Variants in TP53INP1 observed in about 807,000 individuals in gnomAD.
The protein encoded by TP53INP1 is tumor protein p53 inducible nuclear protein 1, also known as tumor protein p53-inducible nuclear protein 1.
Under a neutral mutation model 21.0 loss-of-function variants are expected in TP53INP1, and 12 were observed. The observed-to-expected ratio is 0.57, with a 90% CI of 0.37 to 0.93. The LOEUF (loss-of-function observed/expected upper bound fraction) is 0.93. Among genes scored for constraint, TP53INP1 ranks in the 40% least tolerant of loss-of-function variants. The pLI, the probability that TP53INP1 is intolerant of heterozygous loss-of-function variation, is 0.01. For synonymous variants in TP53INP1, 91 were observed against 94.8 expected (o/e 0.96, Z 0.23); for missense variants, 274 against 294.7 (o/e 0.93, Z 0.51).
At position 94,927,219 on chromosome 8, in the gene TP53INP1, A is replaced by G. The variant is rs2131294901; in HGVS notation, c.*3260T>C. ...CAACTCAGAGAAAATGAGAATAATG[A>G]AGATACTCTTCCTTGCTCGTTTTTC... is the stretch of plus-strand genomic sequence containing the variant. On this transcript the variant is annotated 3_prime_UTR_variant, in exon 4 of 4. Transcript: ENST00000342697. 6.5e-6 allele frequency: 1 copy of G among 152,730 alleles called. No homozygotes were observed. Among genetic ancestry groups the G allele is most frequent in the Middle Eastern group, 3.4e-3 (1 of 294 alleles). 9.5% of individuals were successfully genotyped at this position (152,730 alleles called of 1,614,324 possible).
chr8:94,932,055 A>G (rs376328320), intron 3 of TP53INP1: 6 of 1,607,472 alleles, frequency 3.7e-6, no homozygotes, highest in Non-Finnish European at 5.1e-6. Context: ...ACAGTCTCAA[A>G]GTGAATATAC....
intron 1 of TP53INP1, chr8:94,945,539 T>C (rs2131388992): frequency 6.6e-6 from 1 of 152,342 alleles, no homozygotes; most frequent in East Asian, 1.9e-4. Context: ...CCAGAGACTG[T>C]CCCTGCCCAG....
At chr8:94,940,256 G>C (rs772641163) in intron 2 of TP53INP1, 36 bp from the exon 3 acceptor site, 1 of 1,558,214 alleles carries the variant, frequency 6.4e-7, no homozygotes, top group South Asian at 1.2e-5. Flanking sequence ...CACATGTGTT[G>C]TTGAAGAGTC....
At chr8:94,938,240 C>T (rs1349192991) in intron 3 of TP53INP1, among the ~76,000 whole-genome samples, 3 of 152,176 alleles carry the variant, frequency 2.0e-5, no homozygotes, top group Admixed American at 6.5e-5. Context: ...GAGACATGCT[C>T]ATACAGTACG....
In TP53INP1 at chr8:94,927,365, A is replaced by G. The variant is rs1312870921; in HGVS notation, c.*3114T>C. 1 of 152,258 alleles carries G rather than the reference A, an allele frequency of 6.6e-6. No homozygotes were observed. Among genetic ancestry groups the G allele is most frequent in the Non-Finnish European group, 1.5e-5 (1 of 68,032 alleles). The allele number at this position is 152,258 out of a possible 1,614,324, so 9.4% of individuals were successfully genotyped here. A position where few individuals can be genotyped will look rare whatever the true frequency, so the allele number is the denominator to read the frequency against. On this transcript the variant is annotated 3_prime_UTR_variant, in exon 4 of 4. Transcript: ENST00000342697. ...TACTATACAGATTTCAGAAGCAGAA[A>G]CAATGCTGAACAGCCTGCTCAAGTT...
chr8:94,942,112 T>C (rs971942273), intron 1 of TP53INP1, among the ~76,000 whole-genome samples: 2 of 151,802 alleles, frequency 1.3e-5, no homozygotes, highest in Admixed American at 1.3e-4. Context: ...TCTTGGCTCA[T>C]TCCAAGCTCT....
At chr8:94,941,483 T>C (rs1821526798) in intron 1 of TP53INP1, among the ~76,000 whole-genome samples, 1 of 152,224 alleles carries the variant, frequency 6.6e-6, no homozygotes, top group African/African-American at 2.4e-5. Context: ...TGACCACCAT[T>C]ATGCCAGGCC....
chr8:94,932,000 G>T, intron 3 of TP53INP1: 1 of 1,446,778 alleles, frequency 6.9e-7, no homozygotes, highest in Non-Finnish European at 9.5e-7. Context: ...ATTTTTAAAA[G>T]GTCAGCATTT....
At chr8:94,944,974 TC>T (rs1208738375) in intron 1 of TP53INP1, among the ~76,000 whole-genome samples, 1 of 152,040 alleles carries the variant, frequency 6.6e-6, no homozygotes, top group East Asian at 1.9e-4. Flanking sequence ...GGAGAGACCC[TC>T]CCCCCATTGC....
intron 1 of TP53INP1, among the ~76,000 whole-genome samples, chr8:94,945,174 G>A (rs1821881452): frequency 6.6e-6 from 1 of 152,154 alleles, no homozygotes; most frequent in African/African-American, 2.4e-5. Flanking sequence ...AACAGTTAGG[G>A]TATGAATCTA....
At chr8:94,936,380 T>C (rs191014808) in intron 3 of TP53INP1, among the ~76,000 whole-genome samples, 5 of 152,336 alleles carry the variant, frequency 3.3e-5, no homozygotes, top group African/African-American at 1.2e-4. Flanking sequence ...TCTGGAACTG[T>C]GTGAGGAGCT....
At chr8:94,934,149 G>GA (rs141439112) in intron 3 of TP53INP1, among the ~76,000 whole-genome samples, 26 of 148,424 alleles carry the variant, frequency 1.8e-4, no homozygotes, top group African/African-American at 5.2e-4. Flanking sequence ...TACAGGCACA[G>GA]AAAAAAAAAA....
rs1393122525 is a variant in TP53INP1 at position 94,931,607 on chromosome 8, C to CATATATAT, written c.474-880_474-879insATATATAT. 3.1e-3 allele frequency among the ~76,000 whole-genome samples: 458 copies of CATATATAT among 149,704 alleles called. 4 individuals are homozygous for CATATATAT. The highest frequency in any genetic ancestry group is 8.7e-3 in the African/African-American group (345 of 39,642). The stretch of plus-strand genomic sequence containing the variant: ...TTTATTACACACACACACACACACA[C>CATATATAT]ACATAAAATTTTTTTAAAGTAGAAT... On this transcript the variant is annotated intron_variant, in intron 3 of 3. Coordinates refer to ENST00000342697, the MANE Select transcript of TP53INP1 (RefSeq NM_033285.4).
intron 3 of TP53INP1, among the ~76,000 whole-genome samples, chr8:94,938,289 G>A (rs939504546): frequency 2.6e-5 from 4 of 152,206 alleles, no homozygotes; most frequent in Non-Finnish European, 5.9e-5. Flanking sequence ...ATGGGATTCT[G>A]GTGTTGTGCC....
chr8:94,930,192 T>C lies in TP53INP1; in HGVS notation c.*287A>G. 3.1e-6 allele frequency: 1 copy of C among 323,638 alleles called. No individual in the cohort carries two copies. Among genetic ancestry groups the C allele is most frequent in the Non-Finnish European group, 5.7e-6 (1 of 176,684 alleles). 20.0% of individuals were successfully genotyped at this position (323,638 alleles called of 1,614,324 possible). On this transcript the variant is annotated 3_prime_UTR_variant, in exon 4 of 4. Coordinates refer to ENST00000342697, the MANE Select transcript of TP53INP1 (RefSeq NM_033285.4). ...GAAATGTCTTTAAAATGCTGACTAA[T>C]GTATAACCTAATATATTTAAAGACA...
rs925130920 is a variant in TP53INP1 at position 94,941,048 on chromosome 8, G to A, written c.-107C>T. The A allele has an allele frequency of 1.3e-6, 1 of 752,214 alleles. No homozygotes were observed. Among genetic ancestry groups the A allele is most frequent in the Non-Finnish European group, 2.2e-6 (1 of 453,686 alleles). 46.6% of individuals were successfully genotyped at this position (752,214 alleles called of 1,614,324 possible). Reference sequence around the variant, plus strand: ...ACCGACAGGAGATTAAAGTGCACAGGGTGCTTATTCAACTTAGGTGAAAAG... The same window carrying A: ...ACCGACAGGAGATTAAAGTGCACAGAGTGCTTATTCAACTTAGGTGAAAAG... On this transcript the variant is annotated 5_prime_UTR_variant, in exon 2 of 4. Coordinates refer to ENST00000342697, the MANE Select transcript of TP53INP1 (RefSeq NM_033285.4).
At chr8:94,940,269 A>G in intron 2 of TP53INP1, 49 bp from the exon 3 acceptor site, 1 of 1,537,202 alleles carries the variant, frequency 6.5e-7, no homozygotes, top group Non-Finnish European at 8.7e-7. Flanking sequence ...GAAGAGTCCC[A>G]CAGGAGGATG....
intron 1 of TP53INP1, among the ~76,000 whole-genome samples, chr8:94,944,967 G>C (rs913936061): frequency 2.0e-5 from 3 of 152,196 alleles, no homozygotes; most frequent in African/African-American, 7.2e-5. Flanking sequence ...AGCTATTGGA[G>C]AGACCCTCCC....
chr8:94,944,100 T>C (rs1821788140), intron 1 of TP53INP1, among the ~76,000 whole-genome samples: 2 of 152,252 alleles, frequency 1.3e-5, no homozygotes, highest in African/African-American at 4.8e-5. Flanking sequence ...TGGAGGCAGA[T>C]ATTGGCCCCA....
Sources: gnomAD v4.1 joint callset for allele counts (sites outside exome capture counted in the v4.1 genomes callset) on GRCh38, gnomAD v4.1.1 for gene constraint, MANE v1.5 for transcripts, NCBI Gene and HGNC (gene_info 2026-07-23, HGNC 2026-07-21) for gene names.